Variants in KLF12 observed in about 807,000 individuals in gnomAD.
KLF12 encodes the protein KLF transcription factor 12.
Under a neutral mutation model 37.8 loss-of-function variants are expected in KLF12, and 9 were observed. The observed-to-expected ratio is 0.24, with a 90% CI of 0.14 to 0.42. The LOEUF is 0.42. Ranked by LOEUF, KLF12 falls within the 10% of genes least tolerant of loss-of-function variation. The pLI is 1.00. For synonymous variants in KLF12, 208 were observed against 202.1 expected, an observed-to-expected ratio of 1.03 and a Z score of -0.25; for missense variants, 411 against 516.0, an observed-to-expected ratio of 0.80 and a Z score of 1.97.
chr13:73,774,711 T>C (rs1332011191), intron 5 of KLF12, among the ~76,000 whole-genome samples: 2 of 152,172 alleles, frequency 1.3e-5, no homozygotes, highest in African/African-American at 4.8e-5. Context: ...TATTTCAAAA[T>C]AAAATAATTT....
intron 3 of KLF12, among the ~76,000 whole-genome samples, chr13:73,872,930 G>C (rs981359797): frequency 3.3e-5 from 5 of 152,128 alleles, no homozygotes; most frequent in African/African-American, 7.2e-5. Context: ...CTTTGTGAGA[G>C]CAGAGACCTT....
chr13:73,892,314 T>C (rs1887546538), intron 3 of KLF12, among the ~76,000 whole-genome samples: 1 of 152,116 alleles, frequency 6.6e-6, no homozygotes, highest in East Asian at 1.9e-4. Context: ...TTTTTTAGGA[T>C]GAATTCTAAA....
chr13:73,876,854 A>G (rs1047969060), intron 3 of KLF12, among the ~76,000 whole-genome samples: 1 of 151,970 alleles, frequency 6.6e-6, no homozygotes, highest in African/African-American at 2.4e-5. Context: ...GTCTCCACTA[A>G]AAATACAAAA....
intron 2 of KLF12, among the ~76,000 whole-genome samples, chr13:73,970,184 A>G (rs1411251192): frequency 6.6e-6 from 1 of 152,124 alleles, no homozygotes; most frequent in Non-Finnish European, 1.5e-5. Context: ...ATCTGATAAG[A>G]TGGAGGATTT....
chr13:73,710,378 CTGTGTG>C lies in KLF12; in HGVS notation c.1027+4984_1027+4989del, dbSNP rs59799453. ...CTTTATTGCATTTCGAAGATATTGT[CTGTGTG>C]TGTGTGTGTGTGTGTGTGTGTGTGT... On this transcript the variant is annotated intron_variant, in intron 7 of 7. Coordinates refer to ENST00000377669, the MANE Select transcript of KLF12 (RefSeq NM_007249.5). Among the ~76,000 whole-genome samples, 1,121 of 143,966 alleles carry C rather than the reference CTGTGTG, an allele frequency of 7.8e-3. 7 individuals carry two copies. The highest frequency in any genetic ancestry group is 0.024 in the South Asian group (106 of 4,406). The allele number at this position is 143,966 out of a possible 152,430, so 94.4% of individuals were successfully genotyped here.
At chr13:73,713,332 C>T (rs764273054) in intron 7 of KLF12, among the ~76,000 whole-genome samples, 13 of 152,122 alleles carry the variant, frequency 8.5e-5, no homozygotes, top group East Asian at 1.9e-4. Context: ...GAAGAATATG[C>T]GGCCACTCAG....
chr13:74,257,120 G>A, the KLF12 span: 1 of 152,314 alleles, frequency 6.6e-6, no homozygotes, highest in Admixed American at 6.5e-5. Flanking sequence ...CTAGGCTGGA[G>A]GAGGTACATG....
intron 3 of KLF12, among the ~76,000 whole-genome samples, chr13:73,939,809 C>CT (rs1261827039): frequency 3.3e-5 from 5 of 152,150 alleles, no homozygotes; most frequent in Non-Finnish European, 7.3e-5. Context: ...GAACTCAGGT[C>CT]TTTCTCACTT....
chr13:74,044,538 A>T (rs1316535055), intron 1 of KLF12, among the ~76,000 whole-genome samples: 1 of 152,134 alleles, frequency 6.6e-6, no homozygotes, highest in Non-Finnish European at 1.5e-5. Flanking sequence ...GAGATACAAA[A>T]GTCAACTAAA....
At chr13:73,706,357 A>G (rs1275458895) in intron 7 of KLF12, among the ~76,000 whole-genome samples, 1 of 152,232 alleles carries the variant, frequency 6.6e-6, no homozygotes. Flanking sequence ...ATAGGTTTAG[A>G]AGTCTTTTCT....
At chr13:73,780,979 T>A (rs1376444123) in intron 5 of KLF12, among the ~76,000 whole-genome samples, 1 of 152,232 alleles carries the variant, frequency 6.6e-6, no homozygotes, top group Non-Finnish European at 1.5e-5. Flanking sequence ...GAGAAATCTT[T>A]CATGAAAGGC....
In KLF12 at chr13:73,695,159, G is replaced by A. The variant is rs1874049047; in HGVS notation, c.*331C>T. 1 of 256,694 alleles carries A rather than the reference G, an allele frequency of 3.9e-6. No individual in the cohort carries two copies. The highest frequency in any genetic ancestry group is 2.2e-5 in the African/African-American group (1 of 45,458). The allele number at this position is 256,694 out of a possible 1,614,324, so 15.9% of individuals were successfully genotyped here. A position where few individuals can be genotyped will look rare whatever the true frequency, so the allele number is the denominator to read the frequency against. On this transcript the variant is annotated 3_prime_UTR_variant, in exon 8 of 8. Transcript: ENST00000377669. ...TCAATTTGTGGTAGGTGACCTTTAA[G>A]GTATCAATAACAAAATGTCTGACAG...
rs1052324496 is a variant in KLF12, at chr13:73,813,175, A to T, written c.783T>A (p.Leu261=). Residue 261 remains leucine (L), a synonymous_variant, in exon 5 of 8, where the codon CTT becomes CTA. Coordinates refer to ENST00000377669, the MANE Select transcript of KLF12 (RefSeq NM_007249.5). ...ACTCTTGTACTGCTCTGGCTATGGA[A>T]AGGGCCGTAGATCCAGTTTCATTAA... 3.1e-6 allele frequency: 5 copies of T among 1,613,942 alleles called. No homozygotes were observed. The highest frequency in any genetic ancestry group is 4.2e-6 in the Non-Finnish European group (5 of 1,179,948).
At chr13:74,155,451 TC>T in the KLF12 span, among the ~76,000 whole-genome samples, 51 of 151,840 alleles carry the variant, frequency 3.4e-4, no homozygotes, top group South Asian at 0.01. Context: ...ATCCTCCACC[TC>T]CCGGGTTCAA....
At chr13:74,145,212 G>A in the KLF12 span, among the ~76,000 whole-genome samples, 5 of 152,088 alleles carry the variant, frequency 3.3e-5, no homozygotes, top group East Asian at 1.9e-4. Flanking sequence ...TGTGACCGTC[G>A]TATCTTATGG....
At chr13:74,246,802 T>C in the KLF12 span, among the ~76,000 whole-genome samples, 1 of 152,204 alleles carries the variant, frequency 6.6e-6, no homozygotes, top group Admixed American at 6.5e-5. Flanking sequence ...GTGACTTGCC[T>C]CTGTGTGCGG....
intron 1 of KLF12, among the ~76,000 whole-genome samples, chr13:74,010,117 T>C (rs938018701): frequency 2.7e-4 from 41 of 152,064 alleles, no homozygotes; most frequent in African/African-American, 9.4e-4. Context: ...ACCTGGCTGA[T>C]TTTTTGGTAG....
chr13:74,138,938 C>G, the KLF12 span, among the ~76,000 whole-genome samples: 4 of 152,208 alleles, frequency 2.6e-5, no homozygotes, highest in South Asian at 8.3e-4. Context: ...CTGGAATCCT[C>G]TAAAAACGAT....
At chr13:73,975,909 C>T (rs544305300) in intron 2 of KLF12, among the ~76,000 whole-genome samples, 2 of 152,238 alleles carry the variant, frequency 1.3e-5, no homozygotes, top group South Asian at 2.1e-4. Flanking sequence ...TTAGGTTGGG[C>T]GATCCCGCTA....
Sources: gnomAD v4.1 joint callset for allele counts (sites outside exome capture counted in the v4.1 genomes callset) on GRCh38, gnomAD v4.1.1 for gene constraint, MANE v1.5 for transcripts, NCBI Gene and HGNC (gene_info 2026-07-23, HGNC 2026-07-21) for gene names.